DCDC2: variants seen among roughly 807,000 people sequenced by gnomAD.
DCDC2 encodes doublecortin domain-containing protein 2.
In DCDC2, 40 loss-of-function variants were observed where a neutral mutation model predicts 50.2. The ratio of observed to expected loss-of-function variants is 0.80; its 90% CI spans 0.62 to 1.04. The LOEUF is 1.04. Among genes scored for constraint, DCDC2 ranks in the 50% least tolerant of loss-of-function variants. DCDC2 has a pLI of 0.00. For missense variants in DCDC2, 570 were observed against 581.9 expected (o/e 0.98, Z 0.21); for synonymous variants, 234 against 210.6 (o/e 1.11, Z -0.96).
intron 4 of DCDC2, among the ~76,000 whole-genome samples, chr6:24,291,646 C>T (rs897889017): frequency 4.6e-5 from 7 of 151,478 alleles, no homozygotes; most frequent in African/African-American, 1.7e-4. Flanking sequence ...CCACTACGCC[C>T]GGCTAATTTT....
intron 2 of DCDC2, among the ~76,000 whole-genome samples, chr6:24,307,760 T>C (rs1328499005): frequency 2.7e-5 from 4 of 150,770 alleles, no homozygotes; most frequent in African/African-American, 1.0e-4. Context: ...AAAGAATCAT[T>C]CTTTTTTTTT....
rs1357260964 is a variant in DCDC2 at position 24,173,694 on chromosome 6, T to A, written c.*1036A>T. ...TTACAAAGAAATCTGCTTGAAATTCTAACTATATCATGCTAGGAAAAATAA... is the reference window on the plus strand; with the variant it reads ...TTACAAAGAAATCTGCTTGAAATTCAAACTATATCATGCTAGGAAAAATAA... On this transcript the variant is annotated 3_prime_UTR_variant, in exon 10 of 10. Coordinates refer to ENST00000378454, the MANE Select transcript of DCDC2 (RefSeq NM_016356.5). 1 of 152,238 alleles carries A rather than the reference T, an allele frequency of 6.6e-6. No individual in the cohort carries two copies. Among genetic ancestry groups the A allele is most frequent in the Non-Finnish European group, 1.5e-5 (1 of 68,052 alleles). 9.4% of individuals were successfully genotyped at this position (152,238 alleles called of 1,614,324 possible). A position where few individuals can be genotyped will look rare whatever the true frequency, so the allele number is the denominator to read the frequency against.
intron 4 of DCDC2, among the ~76,000 whole-genome samples, chr6:24,295,199 T>C (rs1763835078): frequency 6.6e-6 from 1 of 152,144 alleles, no homozygotes; most frequent in Non-Finnish European, 1.5e-5. Context: ...ATTCACCACA[T>C]AAACAGAACT....
intron 7 of DCDC2, among the ~76,000 whole-genome samples, chr6:24,214,453 A>C (rs1217943718): frequency 6.8e-6 from 1 of 146,764 alleles, no homozygotes; most frequent in Non-Finnish European, 1.5e-5. Flanking sequence ...TTCAGAGTAC[A>C]AAGAATAAAG....
intron 7 of DCDC2, among the ~76,000 whole-genome samples, chr6:24,221,299 C>A (rs72828998): frequency 0.047 from 7,153 of 152,208 alleles, 218 homozygotes; most frequent in Non-Finnish European, 0.07. Context: ...TGCAACTAGA[C>A]CCCTCAACCC....
At chr6:24,205,193 T>C (rs773359880) in intron 7 of DCDC2, 91 bp from the exon 8 acceptor site, 3 of 1,613,962 alleles carry the variant, frequency 1.9e-6, no homozygotes, top group Admixed American at 1.7e-5. Flanking sequence ...TTATTTTTAA[T>C]AGACATTTGG....
intron 6 of DCDC2, among the ~76,000 whole-genome samples, chr6:24,284,377 G>T (rs893206761): frequency 6.6e-6 from 1 of 152,026 alleles, no homozygotes; most frequent in African/African-American, 2.4e-5. Context: ...AGAGGCCGAG[G>T]CAGGTGGATC....
At chr6:24,269,511 C>A (rs1472138951) in intron 7 of DCDC2, among the ~76,000 whole-genome samples, 1 of 151,914 alleles carries the variant, frequency 6.6e-6, no homozygotes, top group Non-Finnish European at 1.5e-5. Flanking sequence ...GCAATTAGAA[C>A]AAAGAAGAGA....
chr6:24,230,478 C>CA (rs1335621883), intron 7 of DCDC2, among the ~76,000 whole-genome samples: 1 of 151,846 alleles, frequency 6.6e-6, no homozygotes, highest in African/African-American at 2.4e-5. Context: ...CCCGCCACTA[C>CA]AAAAAAATAA....
At chr6:24,228,656 CTT>C (rs1441542242) in intron 7 of DCDC2, among the ~76,000 whole-genome samples, 2 of 152,206 alleles carry the variant, frequency 1.3e-5, no homozygotes, top group African/African-American at 4.8e-5. Flanking sequence ...AGAGCAGTGA[CTT>C]TTAAACATCT....
At chr6:24,205,264 C>A in intron 7 of DCDC2, 162 bp from the exon 8 acceptor site, 5 of 1,561,198 alleles carry the variant, frequency 3.2e-6, no homozygotes, top group South Asian at 1.2e-5. Context: ...ACACCACCCC[C>A]AGTTGTTCCA....
chr6:24,356,926 G>C (rs563195422), intron 1 of DCDC2: 7 of 152,752 alleles, frequency 4.6e-5, no homozygotes, highest in African/African-American at 1.7e-4. Context: ...GCATAAACAT[G>C]CAGGGGGTGG....
chr6:24,212,293 G>A (rs1761890114), intron 7 of DCDC2, among the ~76,000 whole-genome samples: 1 of 152,158 alleles, frequency 6.6e-6, no homozygotes, highest in Non-Finnish European at 1.5e-5. Context: ...ATCTGCAGTG[G>A]CCACCACAGA....
chr6:24,214,045 A>G (rs962564405), intron 7 of DCDC2, among the ~76,000 whole-genome samples: 4 of 152,168 alleles, frequency 2.6e-5, no homozygotes, highest in Non-Finnish European at 5.9e-5. Flanking sequence ...TTACAGAAAC[A>G]AGAATATCAC....
At chr6:24,357,373 G>T (rs745661457) in intron 1 of DCDC2, 85 bp downstream of exon 1, 8 of 1,432,338 alleles carry the variant, frequency 5.6e-6, no homozygotes, top group African/African-American at 1.4e-5. Flanking sequence ...ACTGAGGTGT[G>T]GGGGGGTAGG....
rs556738126 is a variant in DCDC2, at chr6:24,319,518, T to C, written c.349-17474A>G. On this transcript the variant is annotated intron_variant, in intron 2 of 9. Transcript: ENST00000378454. The stretch of plus-strand genomic sequence containing the variant: ...TGGTCCTTGATTCAGAATATTTTTG[T>C]TTTTCTTGCTTGTGCTTTTGAGGTC... Among the ~76,000 whole-genome samples the C allele has an allele frequency of 4.6e-5, 7 of 152,258 alleles. No homozygotes were observed. In the East Asian group the frequency reaches 1.2e-3, roughly 25 times the overall value.
intron 2 of DCDC2, among the ~76,000 whole-genome samples, chr6:24,329,537 T>C (rs920899384): frequency 2.0e-5 from 3 of 152,198 alleles, no homozygotes; most frequent in South Asian, 2.1e-4. Context: ...GAACTTAAGA[T>C]ACAATGCAGA....
At chr6:24,223,079 G>A (rs1194435171) in intron 7 of DCDC2, among the ~76,000 whole-genome samples, 1 of 152,136 alleles carries the variant, frequency 6.6e-6, no homozygotes, top group Non-Finnish European at 1.5e-5. Flanking sequence ...TCCACAGCTG[G>A]GTTTAAATGG....
At chr6:24,301,369 T>TAAA (rs1759369833) in intron 4 of DCDC2, among the ~76,000 whole-genome samples, 1 of 4,022 alleles carries the variant, frequency 2.5e-4, no homozygotes, top group African/African-American at 1.1e-3. Flanking sequence ...AGGCTCCATC[T>TAAA]CAAAAAAAAA....
Sources: gnomAD v4.1 joint callset for allele counts (sites outside exome capture counted in the v4.1 genomes callset) on GRCh38, gnomAD v4.1.1 for gene constraint, MANE v1.5 for transcripts, NCBI Gene and HGNC (gene_info 2026-07-23, HGNC 2026-07-21) for gene names.